Variants in TRIQK observed in about 807,000 individuals in gnomAD.
TRIQK encodes the protein triple QxxK/R motif-containing protein.
In TRIQK, 10 loss-of-function variants were observed where a neutral mutation model predicts 10.8. The ratio of observed to expected loss-of-function variants is 0.92; its 90% CI spans 0.57 to 1.57. The LOEUF is 1.57. TRIQK is among the 40% of genes most tolerant of loss of function. The pLI is 0.00. For synonymous variants in TRIQK, 33 were observed against 33.7 expected (o/e 0.98, Z 0.07); for missense variants, 107 against 97.7 (o/e 1.09, Z -0.40).
rs1353616617 is a variant in TRIQK at position 92,884,642 on chromosome 8, T to G, written c.*1980A>C. ...TCAGGATAATGAATTTTCAAACATT[T>G]CCAAGACCATAACCAGCCATTTTAA... On this transcript the variant is annotated 3_prime_UTR_variant, in exon 5 of 5. Transcript: ENST00000521988. The G allele has an allele frequency of 2.7e-5, 9 of 330,168 alleles. No homozygotes were observed. The highest frequency in any genetic ancestry group is 5.4e-5 in the Non-Finnish European group (9 of 166,350). 20.5% of individuals were successfully genotyped at this position (330,168 alleles called of 1,614,324 possible). A position where few individuals can be genotyped will look rare whatever the true frequency, so the allele number is the denominator to read the frequency against.
chr8:92,987,956 T>G (rs1350019874), intron 1 of TRIQK, among the ~76,000 whole-genome samples: 1 of 151,228 alleles, frequency 6.6e-6, no homozygotes, highest in African/African-American at 2.4e-5. Context: ...CATCTTTAGA[T>G]GACATAATCG....
At chr8:92,997,994 C>T (rs1304423155) in intron 1 of TRIQK, among the ~76,000 whole-genome samples, 1 of 151,850 alleles carries the variant, frequency 6.6e-6, no homozygotes, top group Non-Finnish European at 1.5e-5. Context: ...TTATTAATTA[C>T]ATTATTGATT....
intron 1 of TRIQK, among the ~76,000 whole-genome samples, chr8:92,959,404 T>C (rs1180678856): frequency 6.6e-6 from 1 of 151,952 alleles, no homozygotes; most frequent in African/African-American, 2.4e-5. Flanking sequence ...CAATGTTTTA[T>C]ATTAGCAGTC....
upstream of TRIQK, among the ~76,000 whole-genome samples, chr8:92,967,373 G>T (rs969424354): frequency 6.6e-6 from 1 of 151,934 alleles, no homozygotes; most frequent in African/African-American, 2.4e-5. Flanking sequence ...GCAATTGTTG[G>T]AATAAAAGAA....
chr8:92,948,602 A>C (rs1811674724), intron 2 of TRIQK, among the ~76,000 whole-genome samples: 1 of 152,174 alleles, frequency 6.6e-6, no homozygotes, highest in African/African-American at 2.4e-5. Flanking sequence ...TTTTCTTATT[A>C]AATTTAGTCC....
intron 2 of TRIQK, among the ~76,000 whole-genome samples, chr8:92,945,373 A>G (rs1169103640): frequency 6.6e-6 from 1 of 152,186 alleles, no homozygotes; most frequent in Non-Finnish European, 1.5e-5. Context: ...TGAAGCCACA[A>G]AGCATACGGT....
chr8:92,886,745 A>C lies in TRIQK; in HGVS notation c.148-10T>G. The C allele has an allele frequency of 2.1e-6, 3 of 1,432,236 alleles. No homozygotes were observed. Among genetic ancestry groups the C allele is most frequent in the Non-Finnish European group, 2.8e-6 (3 of 1,055,658 alleles). 88.7% of individuals were successfully genotyped at this position (1,432,236 alleles called of 1,614,324 possible). A position where few individuals can be genotyped will look rare whatever the true frequency, so the allele number is the denominator to read the frequency against. ...GTACAAGGCCAACTTCCTGGGAAGAAAAAAAAAGTAGACTTGAAATTGATG... is the reference window on the plus strand; with the variant it reads ...GTACAAGGCCAACTTCCTGGGAAGACAAAAAAAGTAGACTTGAAATTGATG... On this transcript the variant is annotated splice_polypyrimidine_tract_variant and intron_variant, in intron 4 of 4. Coordinates refer to ENST00000521988, the MANE Select transcript of TRIQK (RefSeq NM_001171797.2).
At chr8:92,968,759 T>A (rs1029713838), upstream of TRIQK, among the ~76,000 whole-genome samples, 2 of 152,172 alleles carry the variant, frequency 1.3e-5, no homozygotes, top group Non-Finnish European at 2.9e-5. Context: ...GTTGCCTGTT[T>A]ACTCTAATGA....
upstream of TRIQK, among the ~76,000 whole-genome samples, chr8:92,970,303 A>G (rs545237372): frequency 6.6e-6 from 1 of 152,324 alleles, no homozygotes; most frequent in Admixed American, 6.5e-5. Flanking sequence ...CTTTGGGTAT[A>G]TACCAAGCAA....
intron 2 of TRIQK, among the ~76,000 whole-genome samples, chr8:92,945,564 G>A (rs1246382416): frequency 6.6e-6 from 1 of 152,204 alleles, no homozygotes; most frequent in Non-Finnish European, 1.5e-5. Flanking sequence ...CAGCCTGTCT[G>A]TAGATGCTTC....
At chr8:92,916,155 TA>T (rs1809831824) in intron 3 of TRIQK, among the ~76,000 whole-genome samples, 1 of 152,216 alleles carries the variant, frequency 6.6e-6, no homozygotes, top group Admixed American at 6.5e-5. Flanking sequence ...ACATTTGATT[TA>T]AAAATGCAGT....
intron 1 of TRIQK, among the ~76,000 whole-genome samples, chr8:92,999,909 C>T (rs1813191305): frequency 6.6e-6 from 1 of 152,002 alleles, no homozygotes; most frequent in Admixed American, 6.6e-5. Flanking sequence ...GACAAAAAAC[C>T]TGCTTACTTT....
At chr8:92,975,085 C>T (rs937178142) in intron 1 of TRIQK, among the ~76,000 whole-genome samples, 1 of 152,194 alleles carries the variant, frequency 6.6e-6, no homozygotes, top group Admixed American at 6.5e-5. Context: ...GGAACTCCCA[C>T]AATCAAGGAT....
chr8:92,940,880 C>G (rs1370902507), intron 2 of TRIQK, among the ~76,000 whole-genome samples: 1 of 152,060 alleles, frequency 6.6e-6, no homozygotes, highest in Non-Finnish European at 1.5e-5. Context: ...TGTTAGATCA[C>G]AAAACTAGTC....
chr8:92,964,773 A>G (rs916541006), intron 1 of TRIQK: 4 of 152,162 alleles, frequency 2.6e-5, no homozygotes, highest in African/African-American at 9.7e-5. Context: ...TTCACAACCA[A>G]TTATTCCTCC....
At chr8:92,978,479 T>A (rs1389253992) in intron 1 of TRIQK, among the ~76,000 whole-genome samples, 2 of 152,134 alleles carry the variant, frequency 1.3e-5, no homozygotes, top group African/African-American at 2.4e-5. Context: ...CAATTTGTAT[T>A]CAAAAATTAT....
rs184995678 is a variant in TRIQK, at chr8:92,930,580, A to G, written c.-21-13570T>C. On this transcript the variant is annotated intron_variant, in intron 2 of 4. Transcript: ENST00000521988. ...GAGGCAGCTTGTACCACTGCACGCT[A>G]AGAGCTTAATCAAACAAAAGGAATG... 7.3e-3 allele frequency among the ~76,000 whole-genome samples: 1,116 copies of G among 152,158 alleles called. 18 individuals are homozygous for G. The highest frequency in any genetic ancestry group is 0.055 in the South Asian group (264 of 4,824).
intron 1 of TRIQK, among the ~76,000 whole-genome samples, chr8:93,000,787 T>C (rs746017700): frequency 4.0e-5 from 6 of 151,282 alleles, no homozygotes; most frequent in Non-Finnish European, 7.4e-5. Flanking sequence ...GTTTGCCTCG[T>C]GGTAACCACA....
intron 1 of TRIQK, among the ~76,000 whole-genome samples, chr8:92,981,895 A>T (rs1432829389): frequency 1.3e-5 from 2 of 151,802 alleles, no homozygotes; most frequent in Non-Finnish European, 2.9e-5. Context: ...TTTAACTATC[A>T]ACTCCAGGAA....
Sources: gnomAD v4.1 joint callset for allele counts (sites outside exome capture counted in the v4.1 genomes callset) on GRCh38, gnomAD v4.1.1 for gene constraint, MANE v1.5 for transcripts, NCBI Gene and HGNC (gene_info 2026-07-23, HGNC 2026-07-21) for gene names.